The following CEACAM8 variants were observed in gnomAD, a reference collection of about 807,000 sequenced individuals.
CEACAM8 encodes the protein CEA cell adhesion molecule 8.
In CEACAM8, 31 loss-of-function variants were observed where a neutral mutation model predicts 33.4. The ratio of observed to expected loss-of-function variants is 0.93; its 90% CI spans 0.70 to 1.25. The LOEUF is 1.25. Ranked by LOEUF, CEACAM8 falls within the 50% of genes most tolerant of loss-of-function variation. The pLI, the probability that CEACAM8 is intolerant of heterozygous loss-of-function variation, is 0.00. For synonymous variants in CEACAM8, 138 were observed against 164.5 expected (o/e 0.84, Z 1.23); for missense variants, 388 against 434.6 (o/e 0.89, Z 0.95).
At chr19:42,584,917 T>G (rs1042579465) in intron 4 of CEACAM8, among the ~76,000 whole-genome samples, 6 of 152,098 alleles carry the variant, frequency 3.9e-5, no homozygotes, top group Non-Finnish European at 8.8e-5. Flanking sequence ...AGTTGGTTCT[T>G]CAAAATAAGA....
chr19:42,583,860 C>T (rs1427853064), intron 4 of CEACAM8, among the ~76,000 whole-genome samples: 4 of 152,180 alleles, frequency 2.6e-5, no homozygotes, highest in African/African-American at 9.6e-5. Context: ...AGTTGGAGGA[C>T]GCCCCATCAG....
chr19:42,589,014 G>C lies in CEACAM8; in HGVS notation c.728C>G (p.Ser243Cys). ...TGCATGGTAATAGGTGTCTGAAGGG[G>C]AAATGGTGGGGGCATCTGGGCCATC... is the stretch of plus-strand genomic sequence containing the variant. The part of the protein sequence containing the change: ...VLYGPDAPTI[S>C]PSDTYYHAGV... The change falls in exon 4 of 6, where the codon TCC becomes TGC. Residue 243 changes from serine to cysteine, a missense_variant. Transcript: ENST00000244336. 6.2e-7 allele frequency: 1 copy of C among 1,613,856 alleles called. No individual in the cohort carries two copies. Among genetic ancestry groups the C allele is most frequent in the Non-Finnish European group, 8.5e-7 (1 of 1,179,726 alleles).
Position 42,588,801 on chromosome 19 carries a change from C to T in CEACAM8, c.941G>A (p.Arg314Lys), listed in dbSNP as rs759794858. The T allele has an allele frequency of 6.8e-6, 11 of 1,614,070 alleles. No homozygotes were observed. Among genetic ancestry groups the T allele is most frequent in the Admixed American group, 5.0e-5 (3 of 60,002 alleles). ...CCACTTACCAGAGACTGTGATCATC[C>T]TGACTGTGGTCCTGTTGCGGCCAGT... ...SATGRNRTTV[R>K]MITVSDALVQ... The change falls in exon 4 of 6, where the codon AGG becomes AAG. Residue 314 changes from arginine (R) to lysine (K), a missense_variant. Transcript: ENST00000244336.
chr19:42,589,623 C>G lies in CEACAM8; in HGVS notation c.537G>C (p.Trp179Cys), dbSNP rs754123108. The G allele has an allele frequency of 1.2e-6, 2 of 1,614,180 alleles. No individual in the cohort carries two copies. The highest frequency in any genetic ancestry group is 1.7e-6 in the Non-Finnish European group (2 of 1,180,034). Residue 179 changes from tryptophan (W) to cysteine (C), a missense_variant, in exon 3 of 6, where the codon TGG becomes TGC. Trp to Cys is a radical substitution (Grantham distance 215). Transcript: ENST00000244336. The part of the protein sequence containing the change: ...PETQNTTYLW[W>C]VNGQSLPVSP... ...TGACCGGGAGACTCTGACCATTTACCCACCACAGGTAGGTTGTGTTCTGAG... is the reference window on the plus strand; with the variant it reads ...TGACCGGGAGACTCTGACCATTTACGCACCACAGGTAGGTTGTGTTCTGAG...
chr19:42,592,989 G>T (rs2042473147), intron 2 of CEACAM8, among the ~76,000 whole-genome samples: 1 of 152,224 alleles, frequency 6.6e-6, no homozygotes, highest in Non-Finnish European at 1.5e-5. Context: ...ATGAGGCTCT[G>T]GGGTCTAAGC....
At chr19:42,586,781 C>T (rs2042344359) in intron 4 of CEACAM8, among the ~76,000 whole-genome samples, 1 of 151,986 alleles carries the variant, frequency 6.6e-6, no homozygotes, top group Admixed American at 6.6e-5. Context: ...AGAACATTGT[C>T]GAGGAAGTGA....
chr19:42,583,435 G>GT, intron 4 of CEACAM8, 98 bp from the exon 5 acceptor site: 4 of 751,416 alleles, frequency 5.3e-6, no homozygotes, highest in Non-Finnish European at 9.2e-6. Flanking sequence ...GTCTCTACTT[G>GT]TTTTTTCAAG....
intron 4 of CEACAM8, 74 bp from the exon 5 acceptor site, chr19:42,583,411 C>A (rs1262396577): frequency 2.0e-5 from 19 of 956,608 alleles, no homozygotes; most frequent in Non-Finnish European, 2.5e-5. Flanking sequence ...GGAACCAGCT[C>A]CTAGCATGAA....
chr19:42,587,465 ATTATG>A (rs1304889786), intron 4 of CEACAM8, among the ~76,000 whole-genome samples: 1 of 152,256 alleles, frequency 6.6e-6, no homozygotes, highest in Non-Finnish European at 1.5e-5. Flanking sequence ...CCTTAAAAAC[ATTATG>A]TTAAGTGAAA....
At chr19:42,594,564 T>A (rs2042510959) in intron 1 of CEACAM8, among the ~76,000 whole-genome samples, 1 of 152,224 alleles carries the variant, frequency 6.6e-6, no homozygotes, top group African/African-American at 2.4e-5. Flanking sequence ...TATGGAACAC[T>A]TGAGATGTTC....
intron 5 of CEACAM8, among the ~76,000 whole-genome samples, 178 bp from the exon 6 acceptor site, chr19:42,581,531 C>T (rs1026351638): frequency 1.3e-5 from 2 of 152,208 alleles, no homozygotes; most frequent in South Asian, 4.1e-4. Context: ...GGTAACATAA[C>T]CGTAAATATA....
rs1280811784 is a variant in CEACAM8, at chr19:42,589,470, G to C, written c.690C>G (p.Thr230=). ...GAAGATACTCACAGAGGACATTCAGGGTGACTGGGTCACTGAAGTTTGCAC... is the reference window on the plus strand; with the variant it reads ...GAAGATACTCACAGAGGACATTCAGCGTGACTGGGTCACTGAAGTTTGCAC... ...PASANFSDPV[T]LNVLYGPDAP... is the part of the protein sequence containing the mutation. Residue 230 remains threonine (T), a synonymous_variant, in exon 3 of 6, where the codon ACC becomes ACG. Coordinates refer to ENST00000244336, the MANE Select transcript of CEACAM8 (RefSeq NM_001816.4). The C allele has an allele frequency of 6.2e-7, 1 of 1,614,054 alleles. No homozygotes were observed. Among genetic ancestry groups the C allele is most frequent in the African/African-American group, 1.3e-5 (1 of 74,888 alleles).
intron 4 of CEACAM8, among the ~76,000 whole-genome samples, chr19:42,585,338 A>G (rs1365533185): frequency 6.6e-6 from 1 of 150,458 alleles, no homozygotes; most frequent in Non-Finnish European, 1.5e-5. Flanking sequence ...AACAAACAAA[A>G]AAAAAACGAA....
chr19:42,589,142 G>A, intron 3 of CEACAM8, 104 bp from the exon 4 acceptor site: 1 of 1,437,834 alleles, frequency 7.0e-7, no homozygotes. Context: ...TCACAAACCT[G>A]AGCCAAGTCC....
chr19:42,593,530 G>T lies in CEACAM8; in HGVS notation c.424+11C>A, dbSNP rs760720871. 1.3e-6 allele frequency: 2 copies of T among 1,551,550 alleles called. No individual in the cohort carries two copies. Among genetic ancestry groups the T allele is most frequent in the Non-Finnish European group, 1.7e-6 (2 of 1,146,886 alleles). On this transcript the variant is annotated intron_variant, in intron 2 of 5. Transcript: ENST00000244336. ...ACCCCCAACACCCAGAGGTCATGGGGAATCACTCACGATGTACGCTGAACT... is the reference window on the plus strand; with the variant it reads ...ACCCCCAACACCCAGAGGTCATGGGTAATCACTCACGATGTACGCTGAACT...
intron 4 of CEACAM8, among the ~76,000 whole-genome samples, chr19:42,584,278 C>T (rs10414843): frequency 0.058 from 8,772 of 152,070 alleles, 837 homozygotes; most frequent in African/African-American, 0.2. Flanking sequence ...TACTTTTGGC[C>T]CTCACCAGTC....
intron 4 of CEACAM8, 150 bp downstream of exon 4, chr19:42,588,634 G>T: frequency 1.2e-6 from 1 of 849,322 alleles, no homozygotes. Context: ...AGTCTATAGA[G>T]ATAAACTGGG....
rs1363602174 is a variant in CEACAM8 at position 42,593,546 on chromosome 19, AC to A, written c.418del (p.Val140TyrfsTer41). 6.4e-7 allele frequency: 1 copy of A among 1,566,426 alleles called. No homozygotes were observed. ...MSEEVTGQFSVHPETPKPSIS... is the reference protein window; with the variant it reads ...MSEEVTGQFSXHPETPKPSIS... Reference sequence around the variant, plus strand: ...GGTCATGGGGAATCACTCACGATGTACGCTGAACTGGCCAGTTACTTCTTCA... The same window carrying A: ...GGTCATGGGGAATCACTCACGATGTAGCTGAACTGGCCAGTTACTTCTTCA... On this transcript the variant is annotated frameshift_variant, in exon 2 of 6. Transcript: ENST00000244336. LOFTEE classifies it high-confidence loss of function.
Position 42,589,523 on chromosome 19 carries a change from A to G in CEACAM8, c.637T>C (p.Tyr213His), listed in dbSNP as rs771382227. The G allele has an allele frequency of 1.2e-6, 2 of 1,614,222 alleles. No homozygotes were observed. Among genetic ancestry groups the G allele is most frequent in the Non-Finnish European group, 1.7e-6 (2 of 1,180,034 alleles). ...LSVTRNDVGP[Y>H]ECEIQNPASA... Reference sequence around the variant, plus strand: ...GCTGGGTTCTGTATTTCACATTCATAGGGTCCTACGTCATTCCTTGTGACA... The same window carrying G: ...GCTGGGTTCTGTATTTCACATTCATGGGGTCCTACGTCATTCCTTGTGACA... The change falls in exon 3 of 6, where the codon TAT becomes CAT. Residue 213 changes from tyrosine (Y) to histidine (H), a missense_variant. Coordinates refer to ENST00000244336, the MANE Select transcript of CEACAM8 (RefSeq NM_001816.4).
Sources: allele counts gnomAD v4.1 joint callset (sites outside exome capture counted in the v4.1 genomes callset), GRCh38; gene constraint gnomAD v4.1.1; transcripts MANE v1.5; gene names NCBI Gene and HGNC (gene_info 2026-07-23, HGNC 2026-07-21).